ENTHD1: variants seen among roughly 807,000 people sequenced by gnomAD.
The protein encoded by ENTHD1 is ENTH domain containing 1.
ENTHD1 carries 23 observed loss-of-function variants against 39.1 expected under a neutral mutation model. The ratio of observed to expected loss-of-function variants is 0.59; its 90% CI spans 0.42 to 0.83. The LOEUF is 0.83. Among genes scored for constraint, ENTHD1 ranks in the 40% least tolerant of loss-of-function variants. The pLI is 0.00. For missense variants in ENTHD1, 624 were observed against 705.4 expected, an observed-to-expected ratio of 0.88 and a Z score of 1.31; for synonymous variants, 230 against 258.2, an observed-to-expected ratio of 0.89 and a Z score of 1.05.
intron 3 of ENTHD1, among the ~76,000 whole-genome samples, chr22:39,849,783 G>C (rs1395870950): frequency 6.6e-6 from 1 of 152,132 alleles, no homozygotes; most frequent in Non-Finnish European, 1.5e-5. Context: ...TAGTATGTCT[G>C]TAGATCTTTC....
At chr22:39,810,962 G>A (rs1313299832) in intron 5 of ENTHD1, among the ~76,000 whole-genome samples, 1 of 152,180 alleles carries the variant, frequency 6.6e-6, no homozygotes, top group African/African-American at 2.4e-5. Flanking sequence ...ATCTCTTGAT[G>A]TCTGTCCCAC....
At position 39,765,564 on chromosome 22, in the gene ENTHD1, T is replaced by A. The variant is rs1471990756; in HGVS notation, c.878A>T (p.Asp293Val). ...LSENSPSGQR[D>V]VSLDKRSDGI... is the part of the protein sequence containing the mutation. ...ATCTGATCTCTTGTCCAAACTCACA[T>A]CTCTCTGCCCAGAAGGACTATTTTC... Residue 293 changes from aspartate to valine, a missense_variant, in exon 6 of 7, where the codon GAT becomes GTT. Asp to Val is a radical substitution (Grantham distance 152, BLOSUM62 -3). Coordinates refer to ENST00000325157, the MANE Select transcript of ENTHD1 (RefSeq NM_152512.4). 1 of 1,613,546 alleles carries A rather than the reference T, an allele frequency of 6.2e-7. No homozygotes were observed. Among genetic ancestry groups the A allele is most frequent in the Non-Finnish European group, 8.5e-7 (1 of 1,179,886 alleles).
chr22:39,782,682 T>A (rs1414560283), intron 5 of ENTHD1, among the ~76,000 whole-genome samples: 1 of 152,076 alleles, frequency 6.6e-6, no homozygotes, highest in Non-Finnish European at 1.5e-5. Flanking sequence ...ACATGATGCA[T>A]CACATCAACA....
chr22:39,890,528 T>A (rs1463831086), intron 1 of ENTHD1, among the ~76,000 whole-genome samples: 1 of 152,188 alleles, frequency 6.6e-6, no homozygotes, highest in Non-Finnish European at 1.5e-5. Context: ...ACAACAAATG[T>A]TAATTTTTTT....
chr22:39,774,937 C>T (rs1394360177), intron 5 of ENTHD1, among the ~76,000 whole-genome samples: 1 of 152,164 alleles, frequency 6.6e-6, no homozygotes, highest in Non-Finnish European at 1.5e-5. Context: ...CATGCTGTTC[C>T]CTCAGCCTAG....
intron 5 of ENTHD1, among the ~76,000 whole-genome samples, chr22:39,801,967 T>G (rs958759347): frequency 9.8e-5 from 15 of 152,294 alleles, no homozygotes; most frequent in African/African-American, 3.4e-4. Flanking sequence ...TAAGTTCTGA[T>G]TTAATTATTT....
intron 5 of ENTHD1, among the ~76,000 whole-genome samples, chr22:39,798,869 C>T (rs1373223526): frequency 6.6e-6 from 1 of 152,106 alleles, no homozygotes; most frequent in African/African-American, 2.4e-5. Context: ...TTAGCAGTAG[C>T]TGTGATGGAG....
intron 5 of ENTHD1, among the ~76,000 whole-genome samples, chr22:39,800,748 C>T (rs112943123): frequency 2.0e-5 from 3 of 152,184 alleles, no homozygotes; most frequent in Non-Finnish European, 4.4e-5. Flanking sequence ...TGTTCTGTTT[C>T]GCCCTTAGAG....
chr22:39,823,131 A>G (rs991026279), intron 4 of ENTHD1, among the ~76,000 whole-genome samples: 6 of 152,182 alleles, frequency 3.9e-5, no homozygotes, highest in Non-Finnish European at 8.8e-5. Flanking sequence ...ACAGTATGTA[A>G]CCTTTTGGGA....
chr22:39,812,745 A>G (rs1425093953), intron 5 of ENTHD1, among the ~76,000 whole-genome samples: 3 of 152,110 alleles, frequency 2.0e-5, no homozygotes, highest in Non-Finnish European at 4.4e-5. Context: ...ACAGCCAGTT[A>G]CCAGGTGGCA....
chr22:39,841,009 G>GAC (rs2065940377), intron 3 of ENTHD1, among the ~76,000 whole-genome samples: 1 of 152,018 alleles, frequency 6.6e-6, no homozygotes, highest in African/African-American at 2.4e-5. Flanking sequence ...CAAAGTGCTG[G>GAC]GATTACAGGT....
chr22:39,795,264 G>A (rs2065538707), intron 5 of ENTHD1, among the ~76,000 whole-genome samples: 1 of 152,158 alleles, frequency 6.6e-6, no homozygotes, highest in South Asian at 2.1e-4. Context: ...TCATGGTAAT[G>A]CTTGTCTCCT....
chr22:39,837,970 A>G (rs1234837326), intron 3 of ENTHD1, among the ~76,000 whole-genome samples: 2 of 152,220 alleles, frequency 1.3e-5, no homozygotes, highest in Non-Finnish European at 2.9e-5. Context: ...TGTCTTAACA[A>G]TGAGAGTTGG....
chr22:39,859,260 A>G (rs765932447), intron 3 of ENTHD1, among the ~76,000 whole-genome samples: 2 of 152,126 alleles, frequency 1.3e-5, no homozygotes, highest in Admixed American at 6.5e-5. Flanking sequence ...AGACCATGCA[A>G]CCTTTCTCTA....
rs2065076528 is a variant in ENTHD1 at position 39,743,603 on chromosome 22, GA to G, written c.*75del. ...ATCCCCTTTTTTGCCATAATAATAT[GA>G]ATTTATACAATGCTAACGTAAGTCT... On this transcript the variant is annotated 3_prime_UTR_variant, in exon 7 of 7. Transcript: ENST00000325157. 4.8e-6 allele frequency: 7 copies of G among 1,451,634 alleles called. No individual in the cohort carries two copies. Among genetic ancestry groups the G allele is most frequent in the Non-Finnish European group, 6.4e-6 (7 of 1,099,952 alleles). The allele number at this position is 1,451,634 out of a possible 1,614,324, so 89.9% of individuals were successfully genotyped here.
chr22:39,835,890 A>G lies in ENTHD1; in HGVS notation c.661T>C (p.Leu221=), dbSNP rs573700877. 16 of 1,609,394 alleles carry G rather than the reference A, an allele frequency of 9.9e-6. No individual in the cohort carries two copies. The South Asian group carries it at 1.6e-4, about 16-fold the overall frequency. Residue 221 remains leucine, a synonymous_variant, in exon 4 of 7, where the codon TTG becomes CTG. Coordinates refer to ENST00000325157, the MANE Select transcript of ENTHD1 (RefSeq NM_152512.4). ...QDVHLPTETM[L]SQETLPLKIH... is the part of the protein sequence containing the mutation. ...TTGAGTGGAAGTGTTTCCTGGGACA[A>G]CATAGTTTCTGTAGGCAAATGAACA...
At chr22:39,872,925 G>C (rs1023419278) in intron 2 of ENTHD1, among the ~76,000 whole-genome samples, 9 of 151,436 alleles carry the variant, frequency 5.9e-5, no homozygotes, top group Non-Finnish European at 8.8e-5. Flanking sequence ...AAACTCTTGG[G>C]CTCAAGCTAT....
At chr22:39,776,270 A>C (rs963969727) in intron 5 of ENTHD1, among the ~76,000 whole-genome samples, 1 of 152,200 alleles carries the variant, frequency 6.6e-6, no homozygotes, top group African/African-American at 2.4e-5. Context: ...TTTCATGAGG[A>C]CTTTCCAACC....
chr22:39,889,376 C>T (rs536450411), intron 1 of ENTHD1, among the ~76,000 whole-genome samples: 155 of 152,212 alleles, frequency 1.0e-3, no homozygotes, highest in Non-Finnish European at 1.0e-3. Flanking sequence ...TATAGGAAAC[C>T]ATTCCCTTTC....
Sources: gnomAD v4.1 joint callset for allele counts (sites outside exome capture counted in the v4.1 genomes callset) on GRCh38, gnomAD v4.1.1 for gene constraint, MANE v1.5 for transcripts, NCBI Gene and HGNC (gene_info 2026-07-23, HGNC 2026-07-21) for gene names.